The following PSMC6 variants were observed in gnomAD, a reference collection of about 807,000 sequenced individuals.
PSMC6 encodes proteasome 26S subunit, ATPase 6.
A neutral mutation model predicts 55.9 loss-of-function variants in PSMC6; 3 were observed. That is an observed-to-expected ratio of 0.05 (90% confidence interval 0.02 to 0.14). PSMC6 has a LOEUF of 0.14. Among genes scored for constraint, PSMC6 ranks in the 10% least tolerant of loss-of-function variants. The pLI, the probability that PSMC6 is intolerant of heterozygous loss-of-function variation, is 1.00. For missense variants in PSMC6, 210 were observed against 478.7 expected (o/e 0.44, Z 5.24); for synonymous variants, 137 against 155.9 (o/e 0.88, Z 0.90).
Position 52,708,287 on chromosome 14 carries a change from TGTTCAA to T in PSMC6, c.86-21_86-16del. ...ACTAAGATTACTGTTCAATTAAAAATGTTCAAATTGTATTATTTCAGTAAGGGAACA... is the reference window on the plus strand; with the variant it reads ...ACTAAGATTACTGTTCAATTAAAAATATTGTATTATTTCAGTAAGGGAACA... On this transcript the variant is annotated splice_polypyrimidine_tract_variant and intron_variant, in intron 1 of 13. Coordinates refer to ENST00000445930, the MANE Select transcript of PSMC6 (RefSeq NM_002806.5). The T allele has an allele frequency of 6.4e-7, 1 of 1,572,630 alleles. No homozygotes were observed. Among genetic ancestry groups the T allele is most frequent in the Non-Finnish European group, 8.7e-7 (1 of 1,142,870 alleles).
chr14:52,715,746 A>T (rs2041823781), intron 7 of PSMC6, among the ~76,000 whole-genome samples: 2 of 150,864 alleles, frequency 1.3e-5, no homozygotes, highest in Non-Finnish European at 2.9e-5. Context: ...CCTCCTGAGT[A>T]GCTGGTACTA....
intron 12 of PSMC6, chr14:52,723,664 A>G (rs980209505): frequency 6.3e-6 from 2 of 314,964 alleles, no homozygotes; most frequent in Non-Finnish European, 1.1e-5. Flanking sequence ...TCACAGCTTA[A>G]CAGGTATCTG....
chr14:52,718,955 AT>A, intron 9 of PSMC6, 21 bp from the exon 10 acceptor site: 2 of 1,583,326 alleles, frequency 1.3e-6, no homozygotes, highest in Non-Finnish European at 1.7e-6. Context: ...ATGCATATAA[AT>A]TTCCAAATCT....
At chr14:52,718,868 A>T in intron 9 of PSMC6, 109 bp from the exon 10 acceptor site, 1 of 844,332 alleles carries the variant, frequency 1.2e-6, no homozygotes, top group Non-Finnish European at 1.9e-6. Flanking sequence ...CTTGCTCTTT[A>T]ATTTTCATCT....
intron 7 of PSMC6, among the ~76,000 whole-genome samples, chr14:52,717,493 G>A (rs941431684): frequency 1.3e-5 from 2 of 151,308 alleles, no homozygotes; most frequent in African/African-American, 2.4e-5. Context: ...GTGCCACCAC[G>A]CTCAGCTAAT....
At chr14:52,707,479 T>G (rs1366652680) in intron 1 of PSMC6, 175 bp downstream of exon 1, 3 of 819,022 alleles carry the variant, frequency 3.7e-6, no homozygotes, top group Non-Finnish European at 5.6e-6. Flanking sequence ...CTCCTTCGGG[T>G]GTAGAAATGG....
At position 52,728,439 on chromosome 14, in the gene PSMC6, A is replaced by G. The variant is rs1270504795; in HGVS notation, c.*822A>G. ...ATTTCAGGAAATTTATTGTTTCCCA[A>G]GCTCATCCAAGGACTCTTTAGGTAT... On this transcript the variant is annotated 3_prime_UTR_variant, in exon 14 of 14. Coordinates refer to ENST00000445930, the MANE Select transcript of PSMC6 (RefSeq NM_002806.5). 2 of 152,198 alleles carry G rather than the reference A, an allele frequency of 1.3e-5. No homozygotes were observed. Among genetic ancestry groups the G allele is most frequent in the African/African-American group, 4.8e-5 (2 of 41,444 alleles). 9.4% of individuals were successfully genotyped at this position (152,198 alleles called of 1,614,324 possible). A position where few individuals can be genotyped will look rare whatever the true frequency, so the allele number is the denominator to read the frequency against.
At chr14:52,714,865 CAAAAA>C (rs373579933) in intron 7 of PSMC6, among the ~76,000 whole-genome samples, 2 of 67,102 alleles carry the variant, frequency 3.0e-5, no homozygotes, top group African/African-American at 1.2e-4. Context: ...GACTCCTTCT[CAAAAA>C]AAAAAAAAAA....
rs1324288549 is a variant in PSMC6 at position 52,728,161 on chromosome 14, T to TG, written c.*547dup. ...TCTTCTTAAATAAAACATGGATGTG[T>TG]GGGTATGTCTGTACTCCTCCTTTCA... On this transcript the variant is annotated 3_prime_UTR_variant, in exon 14 of 14. Transcript: ENST00000445930. 1 of 152,938 alleles carries TG rather than the reference T, an allele frequency of 6.5e-6. No homozygotes were observed. Among genetic ancestry groups the TG allele is most frequent in the African/African-American group, 2.4e-5 (1 of 41,460 alleles). 9.5% of individuals were successfully genotyped at this position (152,938 alleles called of 1,614,324 possible). A position where few individuals can be genotyped will look rare whatever the true frequency, so the allele number is the denominator to read the frequency against.
In PSMC6 at chr14:52,723,990, G is replaced by A. The variant is rs138145785; in HGVS notation, c.1005G>A (p.Ser335=). 333 of 1,613,730 alleles carry A rather than the reference G, an allele frequency of 2.1e-4. No homozygotes were observed. The highest frequency in any genetic ancestry group is 8.3e-4 in the Admixed American group (50 of 59,994). The change falls in exon 13 of 14, where the codon TCG becomes TCA. Residue 335 remains serine, a synonymous_variant. Transcript: ENST00000445930. ...ATTATGAAGCAATTGTGAAGCTTTCGGATGGCTTTAATGGAGCAGATCTGA... is the reference window on the plus strand; with the variant it reads ...ATTATGAAGCAATTGTGAAGCTTTCAGATGGCTTTAATGGAGCAGATCTGA... The part of the protein sequence containing the change: ...EIDYEAIVKL[S]DGFNGADLRN...
chr14:52,717,774 T>C (rs2041845623), intron 7 of PSMC6, among the ~76,000 whole-genome samples: 1 of 151,906 alleles, frequency 6.6e-6, no homozygotes. Context: ...TCCCAGCACT[T>C]TGGGAGGCTG....
chr14:52,707,316 T>C lies in PSMC6; in HGVS notation c.85+12T>C. The stretch of plus-strand genomic sequence containing the variant: ...CCGTCTTAAGGAGTGTGAGTGCACC[T>C]TTCTTTCCATTTAATCAAGTGCCTC... On this transcript the variant is annotated intron_variant, in intron 1 of 13. Transcript: ENST00000445930. 8 of 1,613,670 alleles carry C rather than the reference T, an allele frequency of 5.0e-6. No homozygotes were observed. Among genetic ancestry groups the C allele is most frequent in the Non-Finnish European group, 6.8e-6 (8 of 1,179,910 alleles).
chr14:52,725,731 T>C (rs1880384068), intron 13 of PSMC6, among the ~76,000 whole-genome samples: 2 of 152,128 alleles, frequency 1.3e-5, no homozygotes, highest in African/African-American at 4.8e-5. Flanking sequence ...TCCAGGCTGG[T>C]CTCAAATTCC....
intron 13 of PSMC6, among the ~76,000 whole-genome samples, chr14:52,725,705 G>A (rs1218946057): frequency 3.9e-5 from 6 of 152,092 alleles, no homozygotes; most frequent in Non-Finnish European, 5.9e-5. Context: ...TTGTAGAGAC[G>A]GGTTTCACCA....
chr14:52,714,243 A>G (rs7157190), intron 7 of PSMC6, among the ~76,000 whole-genome samples: 72,737 of 151,682 alleles, frequency 0.48, 17,628 homozygotes, highest in Middle Eastern at 0.56. Flanking sequence ...ATTTTGCCAT[A>G]TTGCTCAGGC....
chr14:52,726,414 A>G (rs1445976513), intron 13 of PSMC6, among the ~76,000 whole-genome samples: 2 of 152,202 alleles, frequency 1.3e-5, no homozygotes, highest in East Asian at 1.9e-4. Flanking sequence ...TTGGCTTTCT[A>G]TATGATTCCC....
intron 1 of PSMC6, 148 bp from the exon 2 acceptor site, chr14:52,708,161 C>A: frequency 1.5e-6 from 1 of 658,594 alleles, no homozygotes; most frequent in Non-Finnish European, 2.6e-6. Flanking sequence ...TCATTACAAA[C>A]AGCATTATTT....
At chr14:52,718,701 G>A (rs1014083923) in intron 9 of PSMC6, 13 of 416,476 alleles carry the variant, frequency 3.1e-5, no homozygotes, top group African/African-American at 1.4e-4. Context: ...CACGAGAATC[G>A]CTTGAACCCA....
At chr14:52,711,314 C>A in intron 5 of PSMC6, 96 bp from the exon 6 acceptor site, 1 of 1,278,884 alleles carries the variant, frequency 7.8e-7, no homozygotes, top group Non-Finnish European at 1.1e-6. Context: ...ATGAGATCAG[C>A]TACAGGTGCT....
Sources: gnomAD v4.1 joint callset for allele counts (sites outside exome capture counted in the v4.1 genomes callset) on GRCh38, gnomAD v4.1.1 for gene constraint, MANE v1.5 for transcripts, NCBI Gene and HGNC (gene_info 2026-07-23, HGNC 2026-07-21) for gene names.